AFAP1L2: variants seen among roughly 807,000 people sequenced by gnomAD.
The protein encoded by AFAP1L2 is actin filament associated protein 1 like 2.
In AFAP1L2, 46 loss-of-function variants were observed where a neutral mutation model predicts 99.3. The ratio of observed to expected loss-of-function variants is 0.46; its 90% CI spans 0.37 to 0.59. The LOEUF (loss-of-function observed/expected upper bound fraction) is 0.59. Ranked by LOEUF, AFAP1L2 falls within the 20% of genes least tolerant of loss-of-function variation. The probability of loss-of-function intolerance (pLI) is 0.00; values close to 1 mark genes in which losing one functional copy is unlikely to be tolerated. For synonymous variants in AFAP1L2, 397 were observed against 419.1 expected, an observed-to-expected ratio of 0.95 and a Z score of 0.64; for missense variants, 959 against 1,034.9, an observed-to-expected ratio of 0.93 and a Z score of 1.01.
intron 1 of AFAP1L2, among the ~76,000 whole-genome samples, chr10:114,389,089 G>A (rs1417276605): frequency 2.0e-5 from 3 of 152,150 alleles, no homozygotes; most frequent in Non-Finnish European, 4.4e-5. Context: ...TGGAGTTGCT[G>A]CCCACACCCT....
intron 1 of AFAP1L2, among the ~76,000 whole-genome samples, chr10:114,396,881 C>A (rs557306502): frequency 6.6e-6 from 1 of 152,272 alleles, no homozygotes; most frequent in East Asian, 1.9e-4. Context: ...ATGAAAAAGT[C>A]TCTGGCATTT....
chr10:114,390,064 T>C lies in AFAP1L2; in HGVS notation c.16+14376A>G, dbSNP rs528747875. On this transcript the variant is annotated intron_variant, in intron 1 of 18. Transcript: ENST00000304129. ...CGCAACAACGATGACCTTCCTAATA[T>C]GCACCTTTCCGTTTGTATGTGTTTT... Among the ~76,000 whole-genome samples the C allele has an allele frequency of 1.5e-3, 222 of 152,344 alleles. 2 individuals are homozygous for C. Among genetic ancestry groups the C allele is most frequent in the Non-Finnish European group, 2.5e-3 (168 of 68,040 alleles).
chr10:114,332,133 C>G (rs1012153913), intron 3 of AFAP1L2, among the ~76,000 whole-genome samples: 5 of 152,180 alleles, frequency 3.3e-5, no homozygotes, highest in Non-Finnish European at 5.9e-5. Context: ...TGCTCCCCTA[C>G]CCATCCCATG....
rs1589902238 is a variant in AFAP1L2, at chr10:114,297,540, C to T, written c.2114-127G>A. 6 of 1,035,640 alleles carry T rather than the reference C, an allele frequency of 5.8e-6. No homozygotes were observed. In the East Asian group the frequency reaches 1.3e-4, roughly 23 times the overall value. The allele number at this position is 1,035,640 out of a possible 1,614,324, so 64.2% of individuals were successfully genotyped here. On this transcript the variant is annotated intron_variant, in intron 16 of 18. Coordinates refer to ENST00000304129, the MANE Select transcript of AFAP1L2 (RefSeq NM_001001936.3). The stretch of plus-strand genomic sequence containing the variant: ...GGACCACAGGTCTGGCCCCAACACT[C>T]AGAGCCAGGAGGGGCCTGTATGCCG...
At position 114,295,963 on chromosome 10, in the gene AFAP1L2, G is replaced by A. The variant is rs371286212; in HGVS notation, c.*79C>T. Reference sequence around the variant, plus strand: ...TTCTTCTAAACAGACTCACCCTTTCGCATAGTTTTTGCTTTAACAAAGCAG... The same window carrying A: ...TTCTTCTAAACAGACTCACCCTTTCACATAGTTTTTGCTTTAACAAAGCAG... On this transcript the variant is annotated 3_prime_UTR_variant, in exon 19 of 19. Coordinates refer to ENST00000304129, the MANE Select transcript of AFAP1L2 (RefSeq NM_001001936.3). 4.7e-5 allele frequency: 75 copies of A among 1,611,348 alleles called. No individual in the cohort carries two copies. Among genetic ancestry groups the A allele is most frequent in the Non-Finnish European group, 5.5e-5 (65 of 1,178,442 alleles).
intron 1 of AFAP1L2, among the ~76,000 whole-genome samples, chr10:114,384,255 T>C (rs1390188700): frequency 1.3e-5 from 2 of 152,156 alleles, no homozygotes; most frequent in Admixed American, 1.3e-4. Flanking sequence ...CCTCCGCCTC[T>C]GTCTTCAGCT....
In AFAP1L2 at chr10:114,324,410, C is replaced by A. The variant is rs11817292; in HGVS notation, c.316-1149G>T. ...AGGGGTGCACCACCCCCCCCCCCCC[C>A]CCGGCTAATTTTTGTATTTTTAGCA... On this transcript the variant is annotated intron_variant, in intron 4 of 18. Coordinates refer to ENST00000304129, the MANE Select transcript of AFAP1L2 (RefSeq NM_001001936.3). 5.1e-4 allele frequency among the ~76,000 whole-genome samples: 66 copies of A among 128,524 alleles called. 1 individual carries two copies. The South Asian group carries it at 7.9e-3, about 15-fold the overall frequency. 84.3% of individuals were successfully genotyped at this position (128,524 alleles called of 152,430 possible). A position where few individuals can be genotyped will look rare whatever the true frequency, so the allele number is the denominator to read the frequency against.
chr10:114,366,508 T>C (rs561863705), intron 1 of AFAP1L2, among the ~76,000 whole-genome samples: 4 of 152,192 alleles, frequency 2.6e-5, no homozygotes, highest in Admixed American at 6.5e-5. Flanking sequence ...GAAGAAAATA[T>C]ACTCCACACT....
At chr10:114,288,256 T>C in the AFAP1L2 span, among the ~76,000 whole-genome samples, 3,649 of 152,272 alleles carry the variant, frequency 0.024, 166 homozygotes, top group African/African-American at 0.084. Context: ...CTTGTTATGT[T>C]CCCCTACTGG....
At chr10:114,370,962 T>C (rs1359639798) in intron 1 of AFAP1L2, among the ~76,000 whole-genome samples, 1 of 152,140 alleles carries the variant, frequency 6.6e-6, no homozygotes, top group African/African-American at 2.4e-5. Flanking sequence ...CTCCAACCAT[T>C]GGGACTTAGA....
intron 1 of AFAP1L2, among the ~76,000 whole-genome samples, chr10:114,393,053 A>G (rs2057323019): frequency 6.6e-6 from 1 of 152,206 alleles, no homozygotes; most frequent in Admixed American, 6.5e-5. Flanking sequence ...ATACCCGGAA[A>G]GTAAACGCTT....
rs1564978359 is a variant in AFAP1L2, at chr10:114,360,506, TAGTTAGATAGA to T, written c.17-19786_17-19776del. ...ATATCTAGATAGATAGATAGATAGA[TAGTTAGATAGA>T]TAGATAGATAGATAGATAGATAGAT... On this transcript the variant is annotated intron_variant, in intron 1 of 18. Coordinates refer to ENST00000304129, the MANE Select transcript of AFAP1L2 (RefSeq NM_001001936.3). 1.4e-3 allele frequency among the ~76,000 whole-genome samples: 133 copies of T among 93,146 alleles called. 1 individual carries two copies. The highest frequency in any genetic ancestry group is 6.2e-3 in the Middle Eastern group (1 of 162). The allele number at this position is 93,146 out of a possible 152,430, so 61.1% of individuals were successfully genotyped here. A position where few individuals can be genotyped will look rare whatever the true frequency, so the allele number is the denominator to read the frequency against.
At chr10:114,284,932 G>A in the AFAP1L2 span, 8 of 1,604,988 alleles carry the variant, frequency 5.0e-6, no homozygotes, top group Non-Finnish European at 6.8e-6. Flanking sequence ...GGCTACCAGT[G>A]CCTCTGCCCG....
chr10:114,296,873 A>T, intron 18 of AFAP1L2, 105 bp downstream of exon 18: 1 of 1,585,842 alleles, frequency 6.3e-7, no homozygotes, highest in Non-Finnish European at 8.6e-7. Flanking sequence ...GCCCTTGCTC[A>T]GAGCTGGTGC....
intron 1 of AFAP1L2, among the ~76,000 whole-genome samples, chr10:114,366,883 G>A (rs200972153): frequency 5.3e-5 from 8 of 152,266 alleles, no homozygotes; most frequent in South Asian, 4.1e-4. Flanking sequence ...CAGGAGAATC[G>A]CTTGAACCCA....
chr10:114,402,944 C>T (rs565200621), intron 1 of AFAP1L2, among the ~76,000 whole-genome samples: 1 of 152,298 alleles, frequency 6.6e-6, no homozygotes, highest in African/African-American at 2.4e-5. Context: ...GGCCTGAATT[C>T]CCAGAGAGGG....
chr10:114,302,600 G>C, intron 11 of AFAP1L2, 116 bp from the exon 12 acceptor site: 1 of 1,305,192 alleles, frequency 7.7e-7, no homozygotes, highest in Non-Finnish European at 1.1e-6. Flanking sequence ...GAAAGCCTCT[G>C]TAACAGCCCG....
chr10:114,404,569 G>T (rs916677850), upstream of AFAP1L2: 85 of 1,354,786 alleles, frequency 6.3e-5, no homozygotes, highest in Non-Finnish European at 1.2e-5. Context: ...GCTCGCGGCC[G>T]GACCTCCTGG....
At chr10:114,354,895 C>T (rs1349046791) in intron 1 of AFAP1L2, among the ~76,000 whole-genome samples, 1 of 152,204 alleles carries the variant, frequency 6.6e-6, no homozygotes, top group East Asian at 1.9e-4. Flanking sequence ...AGGCTTTAGT[C>T]ACTGATGACC....
Sources: gnomAD v4.1 joint callset for allele counts (sites outside exome capture counted in the v4.1 genomes callset) on GRCh38, gnomAD v4.1.1 for gene constraint, MANE v1.5 for transcripts, NCBI Gene and HGNC (gene_info 2026-07-23, HGNC 2026-07-21) for gene names.